Variants in NTRK2 observed in about 807,000 individuals in gnomAD.
NTRK2 encodes BDNF/NT-3 growth factors receptor.
NTRK2 carries 13 observed loss-of-function variants against 94.5 expected under a neutral mutation model. The ratio of observed to expected loss-of-function variants is 0.14; its 90% CI spans 0.09 to 0.22. The LOEUF (loss-of-function observed/expected upper bound fraction) is 0.22. NTRK2 is among the 10% of genes least tolerant of loss of function. The pLI is 1.00. For synonymous variants in NTRK2, 372 were observed against 407.4 expected (o/e 0.91, Z 1.05); for missense variants, 639 against 1,071.2 (o/e 0.60, Z 5.63).
intron 14 of NTRK2, among the ~76,000 whole-genome samples, chr9:84,888,005 T>A (rs1241640086): frequency 6.6e-6 from 1 of 152,136 alleles, no homozygotes; most frequent in Non-Finnish European, 1.5e-5. Context: ...CCATTTTTTT[T>A]AAAGGTACAC....
intron 9 of NTRK2, among the ~76,000 whole-genome samples, chr9:84,739,516 G>A (rs1013440812): frequency 2.0e-5 from 3 of 152,208 alleles, no homozygotes; most frequent in Admixed American, 1.3e-4. Context: ...TCTGCAACGT[G>A]GCAGATTAAA....
chr9:84,711,720 T>A (rs1434690754), intron 6 of NTRK2, among the ~76,000 whole-genome samples: 3 of 152,198 alleles, frequency 2.0e-5, no homozygotes, highest in Admixed American at 6.5e-5. Context: ...TTGAGGTCTA[T>A]TTTTTATTTA....
chr9:84,874,618 A>G (rs937678358), intron 14 of NTRK2: 33 of 1,061,790 alleles, frequency 3.1e-5, no homozygotes, highest in Middle Eastern at 4.2e-4. Flanking sequence ...ACCCACGGCC[A>G]GGAAGGAAAT....
At chr9:84,877,281 G>A (rs201112185) in intron 14 of NTRK2, 17 of 1,065,802 alleles carry the variant, frequency 1.6e-5, no homozygotes, top group South Asian at 4.5e-5. Flanking sequence ...ATGTCATTGA[G>A]GGCCTTTGTG....
At chr9:85,004,047 G>GAAAGAAAGAA (rs1564542231) in intron 17 of NTRK2, among the ~76,000 whole-genome samples, 5 of 39,784 alleles carry the variant, frequency 1.3e-4, no homozygotes, top group Non-Finnish European at 2.7e-4. Context: ...GAAAGAAAGG[G>GAAAGAAAGAA]AGAAAGAGAA....
chr9:84,821,328 C>CAA (rs1012969554), intron 12 of NTRK2, among the ~76,000 whole-genome samples: 2 of 81,694 alleles, frequency 2.4e-5, no homozygotes, highest in African/African-American at 7.3e-5. Context: ...TTTACACACA[C>CAA]ACACACACAC....
intron 17 of NTRK2, among the ~76,000 whole-genome samples, chr9:84,989,114 A>C (rs918084657): frequency 1.3e-5 from 2 of 152,142 alleles, no homozygotes; most frequent in Non-Finnish European, 2.9e-5. Flanking sequence ...ACCAAACCTC[A>C]AGAAAAGGCT....
intron 15 of NTRK2, among the ~76,000 whole-genome samples, chr9:84,938,010 C>G (rs972140762): frequency 1.7e-4 from 26 of 152,008 alleles, no homozygotes; most frequent in African/African-American, 6.3e-4. Context: ...AGGAGAGAGA[C>G]CTTAGAAATC....
intron 14 of NTRK2, among the ~76,000 whole-genome samples, chr9:84,880,717 T>G (rs926392541): frequency 6.6e-6 from 1 of 152,228 alleles, no homozygotes; most frequent in African/African-American, 2.4e-5. Context: ...ATAAGTCTTT[T>G]AATGGAGAGA....
At chr9:84,879,542 A>C (rs999362935) in intron 14 of NTRK2, among the ~76,000 whole-genome samples, 1 of 152,208 alleles carries the variant, frequency 6.6e-6, no homozygotes, top group African/African-American at 2.4e-5. Context: ...TTCACATTAA[A>C]AAAATCTTAA....
At chr9:84,788,242 A>G (rs775040829) in intron 12 of NTRK2, among the ~76,000 whole-genome samples, 9 of 152,238 alleles carry the variant, frequency 5.9e-5, no homozygotes, top group Admixed American at 1.3e-4. Context: ...TAGGGACATG[A>G]AAATGAAATT....
At chr9:84,709,785 A>AT (rs5898872) in intron 5 of NTRK2, among the ~76,000 whole-genome samples, 9 of 151,814 alleles carry the variant, frequency 5.9e-5, no homozygotes, top group South Asian at 4.2e-4. Context: ...GCATTTAAAG[A>AT]TTTTTTTTTC....
chr9:84,860,891 GTTTA>G (rs143811359), intron 12 of NTRK2, 145 bp from the exon 13 acceptor site: 36,951 of 376,944 alleles, frequency 0.098, 1,983 homozygotes, highest in Non-Finnish European at 0.11. Context: ...CAAGTGGTTT[GTTTA>G]TTTATTTATT....
intron 16 of NTRK2, among the ~76,000 whole-genome samples, chr9:84,950,591 GTT>G (rs5898875): frequency 9.3e-5 from 14 of 150,896 alleles, no homozygotes; most frequent in East Asian, 7.8e-4. Flanking sequence ...GGTCTAATAT[GTT>G]TTTTTTTTTT....
chr9:84,865,540 T>C (rs1020872696), intron 13 of NTRK2, among the ~76,000 whole-genome samples: 3 of 152,156 alleles, frequency 2.0e-5, no homozygotes, highest in African/African-American at 4.8e-5. Context: ...ACAAAACAAC[T>C]TTTGTTTTCA....
At chr9:84,984,761 G>C (rs1828088288) in intron 17 of NTRK2, among the ~76,000 whole-genome samples, 1 of 152,220 alleles carries the variant, frequency 6.6e-6, no homozygotes, top group African/African-American at 2.4e-5. Context: ...TTGCTATTGG[G>C]AGTACAGAGC....
chr9:84,975,269 G>C (rs1484292329), intron 17 of NTRK2, among the ~76,000 whole-genome samples: 1 of 152,128 alleles, frequency 6.6e-6, no homozygotes, highest in Non-Finnish European at 1.5e-5. Context: ...AGGAAGATGG[G>C]TTGCTAGGCA....
intron 6 of NTRK2, among the ~76,000 whole-genome samples, chr9:84,713,790 A>G (rs1198309960): frequency 6.6e-6 from 1 of 151,746 alleles, no homozygotes; most frequent in Admixed American, 6.6e-5. Flanking sequence ...TTCTAGGTAA[A>G]CTGTGCTTTT....
intron 17 of NTRK2, among the ~76,000 whole-genome samples, chr9:84,978,306 A>C (rs1452161608): frequency 6.6e-6 from 1 of 152,248 alleles, no homozygotes; most frequent in East Asian, 1.9e-4. Flanking sequence ...TGCTCCAGTG[A>C]ACACATGAAT....
Sources: gnomAD v4.1 joint callset for allele counts (sites outside exome capture counted in the v4.1 genomes callset) on GRCh38, gnomAD v4.1.1 for gene constraint, MANE v1.5 for transcripts, NCBI Gene and HGNC (gene_info 2026-07-23, HGNC 2026-07-21) for gene names.